FOCAD: variants seen among roughly 807,000 people sequenced by gnomAD.
The protein encoded by FOCAD is focadhesin, also known as KIAA1797.
Under a neutral mutation model 225.6 loss-of-function variants are expected in FOCAD, and 198 were observed. That is an observed-to-expected ratio of 0.88 (90% CI 0.78 to 0.99). The LOEUF (loss-of-function observed/expected upper bound fraction) is 0.99. Ranked by LOEUF, FOCAD falls within the 50% of genes least tolerant of loss-of-function variation. The pLI is 0.00. For synonymous variants in FOCAD, 897 were observed against 755.0 expected, an observed-to-expected ratio of 1.19 and a Z score of -3.08; for missense variants, 2,713 against 2,123.6, an observed-to-expected ratio of 1.28 and a Z score of -5.46.
intron 1 of FOCAD, among the ~76,000 whole-genome samples, chr9:20,693,664 A>T (rs1823117280): frequency 6.6e-6 from 1 of 152,154 alleles, no homozygotes; most frequent in Admixed American, 6.5e-5. Context: ...CCATTATCTG[A>T]GGAAATTCCT....
intron 15 of FOCAD, among the ~76,000 whole-genome samples, chr9:20,837,924 T>C (rs576691107): frequency 1.1e-4 from 17 of 152,212 alleles, no homozygotes; most frequent in Middle Eastern, 3.4e-3. Flanking sequence ...CTTGATTATA[T>C]GAATAAAATA....
intron 15 of FOCAD, among the ~76,000 whole-genome samples, chr9:20,836,090 C>T (rs960854377): frequency 3.3e-5 from 5 of 152,022 alleles, no homozygotes; most frequent in Non-Finnish European, 5.9e-5. Context: ...TCTCATCATC[C>T]TAACCCTTTG....
chr9:20,758,556 C>G (rs1563953570), intron 6 of FOCAD, among the ~76,000 whole-genome samples: 1 of 149,462 alleles, frequency 6.7e-6, no homozygotes, highest in Non-Finnish European at 1.5e-5. Context: ...TGATGTTCCC[C>G]TTCCTGTGTC....
chr9:20,659,670 T>C (rs1359049495), intron 2 of FOCAD, among the ~76,000 whole-genome samples: 6 of 152,214 alleles, frequency 3.9e-5, no homozygotes, highest in Non-Finnish European at 5.9e-5. Context: ...TTCTGTTGTC[T>C]AAGTCACCCA....
chr9:20,933,134 T>C, intron 28 of FOCAD, 31 bp downstream of exon 28: 1 of 1,464,996 alleles, frequency 6.8e-7, no homozygotes, highest in African/African-American at 1.4e-5. Flanking sequence ...CTCTCACAGG[T>C]ACTTAGACAT....
At chr9:20,797,042 A>C (rs887566986) in intron 11 of FOCAD, among the ~76,000 whole-genome samples, 1 of 152,234 alleles carries the variant, frequency 6.6e-6, no homozygotes, top group Non-Finnish European at 1.5e-5. Context: ...ATGGCTAGCC[A>C]GTTTTCCCAC....
intron 25 of FOCAD, among the ~76,000 whole-genome samples, chr9:20,924,266 A>G (rs766723113): frequency 1.3e-5 from 2 of 152,196 alleles, no homozygotes; most frequent in Non-Finnish European, 2.9e-5. Flanking sequence ...ATATCTGTCT[A>G]AATAAAAAGG....
chr9:20,704,437 GTCACTTTGCAACAATCAAAAATGTT>G (rs1824214500), intron 1 of FOCAD, among the ~76,000 whole-genome samples: 1 of 152,078 alleles, frequency 6.6e-6, no homozygotes, highest in Non-Finnish European at 1.5e-5. Context: ...AGCTTGATTG[GTCACTTTGCAACAATCAAAAATGTT>G]GCCAATAAAC....
Position 20,951,020 on chromosome 9 carries a change from G to A in FOCAD, c.3973G>A (p.Gly1325Ser), listed in dbSNP as rs777227231. The change falls in exon 34 of 44, where the codon GGT becomes AGT. Residue 1325 changes from glycine to serine, a missense_variant. Coordinates refer to ENST00000338382, the MANE Select transcript of FOCAD (RefSeq NM_001375567.1). ...TQVISVSGVI[G>S]LQSNAVWLLG... Reference sequence around the variant, plus strand: ...GGTCATTAGTGTCTCTGGGGTGATTGGTCTCCAGTCAAATGCAGTCTGGCT... The same window carrying A: ...GGTCATTAGTGTCTCTGGGGTGATTAGTCTCCAGTCAAATGCAGTCTGGCT... 6.2e-7 allele frequency: 1 copy of A among 1,613,252 alleles called. No homozygotes were observed. The highest frequency in any genetic ancestry group is 8.5e-7 in the Non-Finnish European group (1 of 1,179,500).
chr9:20,912,441 T>C (rs985829281), intron 22 of FOCAD, among the ~76,000 whole-genome samples: 1 of 152,112 alleles, frequency 6.6e-6, no homozygotes, highest in Non-Finnish European at 1.5e-5. Flanking sequence ...GAATCTTAAG[T>C]GTTACATACT....
chr9:20,956,459 T>C (rs1838145431), intron 35 of FOCAD, among the ~76,000 whole-genome samples: 2 of 152,212 alleles, frequency 1.3e-5, no homozygotes, highest in South Asian at 4.1e-4. Context: ...CACTTGGAGA[T>C]AGCCATTATA....
intron 33 of FOCAD, among the ~76,000 whole-genome samples, chr9:20,949,882 A>G (rs1015025776): frequency 1.3e-5 from 2 of 151,854 alleles, no homozygotes; most frequent in African/African-American, 4.8e-5. Context: ...GAAAGCTGGC[A>G]TTTTTTTTAG....
intron 4 of FOCAD, among the ~76,000 whole-genome samples, chr9:20,731,956 A>T (rs1826751131): frequency 6.6e-6 from 1 of 151,984 alleles, no homozygotes; most frequent in South Asian, 2.1e-4. Flanking sequence ...TTATTATTTT[A>T]TTTTTTTAAA....
chr9:20,703,100 A>G (rs181506078), intron 1 of FOCAD, among the ~76,000 whole-genome samples: 33 of 150,848 alleles, frequency 2.2e-4, no homozygotes, highest in Admixed American at 2.1e-3. Flanking sequence ...GTAAATGACA[A>G]TCATTTGAGA....
intron 15 of FOCAD, among the ~76,000 whole-genome samples, chr9:20,849,694 A>G (rs1827462567): frequency 6.6e-6 from 1 of 151,948 alleles, no homozygotes; most frequent in South Asian, 2.1e-4. Context: ...AAGACTTTCT[A>G]AGGGATAGGC....
intron 2 of FOCAD, among the ~76,000 whole-genome samples, chr9:20,678,432 A>C (rs1016180255): frequency 2.0e-5 from 3 of 152,186 alleles, no homozygotes; most frequent in Non-Finnish European, 4.4e-5. Flanking sequence ...AAACCAGCCT[A>C]AATATGAATT....
chr9:20,789,045 T>C (rs1820244725), intron 10 of FOCAD, among the ~76,000 whole-genome samples: 1 of 152,176 alleles, frequency 6.6e-6, no homozygotes, highest in South Asian at 2.1e-4. Context: ...AATGGCTTTT[T>C]CCAAATGCAA....
chr9:20,866,917 T>TTTTTTTTTTTTAA lies in FOCAD; in HGVS notation c.2107-12_2107-11insTTTTTTTTTTTAA. The TTTTTTTTTTTTAA allele has an allele frequency of 2.6e-6, 2 of 764,972 alleles. No homozygotes were observed. The highest frequency in any genetic ancestry group is 2.0e-5 in the African/African-American group (1 of 48,872). The allele number at this position is 764,972 out of a possible 1,614,324, so 47.4% of individuals were successfully genotyped here. A position where few individuals can be genotyped will look rare whatever the true frequency, so the allele number is the denominator to read the frequency against. ...TTTTTTTTTTTTTTTTTTTTTTTTT[T>TTTTTTTTTTTTAA]ACCCTATCTAGGACCCAATTGTAGC... On this transcript the variant is annotated splice_polypyrimidine_tract_variant and intron_variant, in intron 17 of 43. Coordinates refer to ENST00000338382, the MANE Select transcript of FOCAD (RefSeq NM_001375567.1).
At chr9:20,878,523 C>T (rs183390652) in intron 19 of FOCAD, among the ~76,000 whole-genome samples, 1 of 152,318 alleles carries the variant, frequency 6.6e-6, no homozygotes, top group East Asian at 1.9e-4. Flanking sequence ...TAACTTATCA[C>T]AACCCCTTTT....
Sources: gnomAD v4.1 joint callset for allele counts (sites outside exome capture counted in the v4.1 genomes callset) on GRCh38, gnomAD v4.1.1 for gene constraint, MANE v1.5 for transcripts, NCBI Gene and HGNC (gene_info 2026-07-23, HGNC 2026-07-21) for gene names.